FBXO30: variants seen among roughly 807,000 people sequenced by gnomAD.
The protein encoded by FBXO30 is F-box only protein 30.
In FBXO30, 21 loss-of-function variants were observed where a neutral mutation model predicts 58.1. The ratio of observed to expected loss-of-function variants is 0.36; its 90% CI spans 0.26 to 0.52. FBXO30 has a LOEUF of 0.52. FBXO30 is among the 20% of genes least tolerant of loss of function. The pLI, the probability that FBXO30 is intolerant of heterozygous loss-of-function variation, is 0.93. For missense variants in FBXO30, 744 were observed against 897.3 expected (o/e 0.83, Z 2.18); for synonymous variants, 309 against 312.4 (o/e 0.99, Z 0.11).
Position 145,805,905 on chromosome 6 carries a change from ATG to A in FBXO30, c.499_500del (p.His167CysfsTer2). The stretch of plus-strand genomic sequence containing the variant: ...CATCAACAGACACTAAACCATTAGC[ATG>A]TGGTATTTCTGGGACACTTGATTTA... ...SVKSSVPEIP[H>X]ANGLVSVDEE... On this transcript the variant is annotated frameshift_variant, in exon 2 of 3. Transcript: ENST00000237281. LOFTEE classifies it high-confidence loss of function. 6.2e-7 allele frequency: 1 copy of A among 1,614,040 alleles called. No individual in the cohort carries two copies. Among genetic ancestry groups the A allele is most frequent in the Non-Finnish European group, 8.5e-7 (1 of 1,179,986 alleles).
intron 1 of FBXO30, among the ~76,000 whole-genome samples, chr6:145,811,027 G>T (rs1352329102): frequency 6.6e-6 from 1 of 151,994 alleles, no homozygotes; most frequent in Non-Finnish European, 1.5e-5. Flanking sequence ...TTTTTCCTTG[G>T]TAATACTAGT....
rs1233900652 is a variant in FBXO30 at position 145,806,149 on chromosome 6, C to G, written c.257G>C (p.Ser86Thr). 5 of 1,614,110 alleles carry G rather than the reference C, an allele frequency of 3.1e-6. No individual in the cohort carries two copies. The South Asian group carries it at 3.3e-5, about 11-fold the overall frequency. ...VAEHLEMCPA[S>T]VVCCTMEWNR... ...CCATTCCATAGTACAGCACACCACACTTGCAGGACACATTTCTAGATGTTC... is the reference window on the plus strand; with the variant it reads ...CCATTCCATAGTACAGCACACCACAGTTGCAGGACACATTTCTAGATGTTC... The change falls in exon 2 of 3, where the codon AGT becomes ACT. Residue 86 changes from serine to threonine, a missense_variant. Physicochemically the swap from Ser to Thr is moderately conservative, Grantham distance 58. Around this residue, in one of 3 missense-constraint regions of FBXO30, gnomAD observed 135 missense variants for 201.6 expected, o/e 0.67. Coordinates refer to ENST00000237281, the MANE Select transcript of FBXO30 (RefSeq NM_032145.5).
Position 145,806,172 on chromosome 6 carries a change from T to C in FBXO30, c.234A>G (p.Glu78=). Residue 78 remains glutamate (E), a synonymous_variant, in exon 2 of 3, where the codon GAA becomes GAG. Transcript: ENST00000237281. ...PFTMARNKVA[E]HLEMCPASVV... ...CACTTGCAGGACACATTTCTAGATG[T>C]TCAGCAACTTTATTTCGGGCCATGG... 6.2e-7 allele frequency: 1 copy of C among 1,614,126 alleles called. No homozygotes were observed. The highest frequency in any genetic ancestry group is 8.5e-7 in the Non-Finnish European group (1 of 1,179,992).
intron 1 of FBXO30, among the ~76,000 whole-genome samples, chr6:145,811,370 A>G (rs1260228242): frequency 1.3e-5 from 2 of 152,220 alleles, no homozygotes; most frequent in Admixed American, 6.5e-5. Context: ...TGTTAAGCAC[A>G]TAAGTAATAT....
chr6:145,801,797 A>C (rs1778007334), intron 2 of FBXO30, among the ~76,000 whole-genome samples: 1 of 152,086 alleles, frequency 6.6e-6, no homozygotes, highest in Non-Finnish European at 1.5e-5. Context: ...CCCCATGCTC[A>C]CAAAGCTACA....
At chr6:145,801,753 G>T (rs1454011193) in intron 2 of FBXO30, among the ~76,000 whole-genome samples, 1 of 152,036 alleles carries the variant, frequency 6.6e-6, no homozygotes, top group Non-Finnish European at 1.5e-5. Flanking sequence ...AAGGCCTAGT[G>T]ATAGTATAGA....
Position 145,804,587 on chromosome 6 carries a change from C to A in FBXO30, c.1819G>T (p.Gly607Ter). Reference protein sequence around the residue: ...LVEPARNCVLGLHNDHLSSLP... With the variant: ...LVEPARNCVL ...CTACTTAGATGGTCATTATGTAATCCCAACACACAGTTTCTAGCAGGCTCC... is the reference window on the plus strand; with the variant it reads ...CTACTTAGATGGTCATTATGTAATCACAACACACAGTTTCTAGCAGGCTCC... Residue 607 changes from glycine (G) to a stop codon, truncating the protein, a stop_gained, in exon 2 of 3, where the codon GGA (glycine) becomes TGA (stop). Transcript: ENST00000237281. LOFTEE classifies it high-confidence loss of function. The A allele has an allele frequency of 6.2e-7, 1 of 1,613,562 alleles. No individual in the cohort carries two copies. Among genetic ancestry groups the A allele is most frequent in the Non-Finnish European group, 8.5e-7 (1 of 1,179,804 alleles).
rs1778159387 is a variant in FBXO30, at chr6:145,806,096, G to A, written c.310C>T (p.Arg104Trp). 3 of 1,613,934 alleles carry A rather than the reference G, an allele frequency of 1.9e-6. No individual in the cohort carries two copies. The highest frequency in any genetic ancestry group is 2.5e-6 in the Non-Finnish European group (3 of 1,179,972). The change falls in exon 2 of 3, where the codon CGG becomes TGG. Residue 104 changes from arginine to tryptophan, a missense_variant. Physicochemically the swap from Arg to Trp is moderately radical, Grantham distance 101 (BLOSUM62 -3). Coordinates refer to ENST00000237281, the MANE Select transcript of FBXO30 (RefSeq NM_032145.5). ...WNRWPVSYAD[R>W]KSYENLSRDV... Reference sequence around the variant, plus strand: ...CTGCTTAGATTTTCATATGATTTCCGGTCTGCATAACTAACTGGCCATCGA... The same window carrying A: ...CTGCTTAGATTTTCATATGATTTCCAGTCTGCATAACTAACTGGCCATCGA...
Position 145,805,339 on chromosome 6 carries a change from A to G in FBXO30, c.1067T>C (p.Met356Thr). ...LPNGTVQHIL[M>T]PDDEGEGELC... ...TTCACCTTCACCTTCATCATCTGGC[A>G]TGAGGATATGCTGAACTGTGCCATT... The change falls in exon 2 of 3, where the codon ATG (methionine) becomes ACG (threonine). Residue 356 changes from methionine (M) to threonine (T), a missense_variant. Met to Thr is a moderately conservative substitution (Grantham distance 81). This residue lies in a region of FBXO30 where 275 missense variants were observed against 262.0 expected (regional missense o/e 1.05). Coordinates refer to ENST00000237281, the MANE Select transcript of FBXO30 (RefSeq NM_032145.5). 6.2e-7 allele frequency: 1 copy of G among 1,614,098 alleles called. No individual in the cohort carries two copies. The highest frequency in any genetic ancestry group is 8.5e-7 in the Non-Finnish European group (1 of 1,179,982).
intron 1 of FBXO30, among the ~76,000 whole-genome samples, chr6:145,809,047 T>C (rs1778262749): frequency 6.6e-6 from 1 of 152,218 alleles, no homozygotes; most frequent in Non-Finnish European, 1.5e-5. Context: ...ACAAGGTATA[T>C]ATTCAACGCC....
intron 2 of FBXO30, among the ~76,000 whole-genome samples, chr6:145,803,633 C>G (rs1021835430): frequency 6.6e-6 from 1 of 152,092 alleles, no homozygotes; most frequent in Non-Finnish European, 1.5e-5. Flanking sequence ...CAAATAGAAG[C>G]TGAGCAAAAG....
chr6:145,804,196 A>C lies in FBXO30; in HGVS notation c.2034+176T>G, dbSNP rs571142097. On this transcript the variant is annotated intron_variant, in intron 2 of 2. Transcript: ENST00000237281. The stretch of plus-strand genomic sequence containing the variant: ...TAGTAAACCTACAATTATGGCAAAC[A>C]ATTCTAACTATCCTAGTTCATTATT... Among the ~76,000 whole-genome samples, 210 of 152,306 alleles carry C rather than the reference A, an allele frequency of 1.4e-3. 1 individual carries two copies. The highest frequency in any genetic ancestry group is 2.0e-3 in the Non-Finnish European group (139 of 68,012).
Position 145,795,320 on chromosome 6 carries a change from G to C in FBXO30, c.*4786C>G, listed in dbSNP as rs889842758. The C allele has an allele frequency of 6.6e-6, 1 of 151,814 alleles. No homozygotes were observed. The highest frequency in any genetic ancestry group is 6.6e-5 in the Admixed American group (1 of 15,244). 9.4% of individuals were successfully genotyped at this position (151,814 alleles called of 1,614,324 possible). On this transcript the variant is annotated 3_prime_UTR_variant, in exon 3 of 3. Coordinates refer to ENST00000237281, the MANE Select transcript of FBXO30 (RefSeq NM_032145.5). Reference sequence around the variant, plus strand: ...TTGACCTGATTAATTGGTCTTAAGAGTTCAACACAAATGCAGTTTTGTTAC... The same window carrying C: ...TTGACCTGATTAATTGGTCTTAAGACTTCAACACAAATGCAGTTTTGTTAC...
chr6:145,806,361 A>G lies in FBXO30; in HGVS notation c.45T>C (p.Ser15=). The G allele has an allele frequency of 1.2e-6, 2 of 1,613,920 alleles. No homozygotes were observed. The highest frequency in any genetic ancestry group is 8.5e-7 in the Non-Finnish European group (1 of 1,179,942). The change falls in exon 2 of 3, where the codon AGT becomes AGC. Residue 15 remains serine (S), a synonymous_variant. Coordinates refer to ENST00000237281, the MANE Select transcript of FBXO30 (RefSeq NM_032145.5). ...LQHSHCVNCV[S]RRCMTRPEPG... is the part of the protein sequence containing the mutation. ...GCTCTGGCCTGGTCATGCACCGTCT[A>G]CTGACACAATTCACACAATGGGAAT...
chr6:145,811,799 A>C (rs553170040), intron 1 of FBXO30: 10 of 152,358 alleles, frequency 6.6e-5, no homozygotes, highest in African/African-American at 2.2e-4. Flanking sequence ...AGATTTGTTC[A>C]ATTAATTAAC....
At position 145,805,489 on chromosome 6, in the gene FBXO30, T is replaced by G. The variant is rs775919240; in HGVS notation, c.917A>C (p.Asp306Ala). ...VIDQNQNLHG[D>A]SKQSNLTNGD... The stretch of plus-strand genomic sequence containing the variant: ...ATTTGTTAAGTTACTTTGTTTTGAA[T>G]CACCATGTAAATTCTGATTCTGGTC... Residue 306 changes from aspartate (D) to alanine (A), a missense_variant, in exon 2 of 3, where the codon GAT becomes GCT. By Grantham distance (126) the Asp-to-Ala change is moderately radical. Transcript: ENST00000237281. 1 of 1,606,488 alleles carries G rather than the reference T, an allele frequency of 6.2e-7. No individual in the cohort carries two copies. The highest frequency in any genetic ancestry group is 8.5e-7 in the Non-Finnish European group (1 of 1,175,824).
intron 1 of FBXO30, among the ~76,000 whole-genome samples, chr6:145,813,954 T>C (rs898643243): frequency 5.8e-4 from 88 of 152,142 alleles, no homozygotes; most frequent in Non-Finnish European, 1.2e-3. Context: ...GCAGATTACT[T>C]TGAATTCAGC....
rs1452906105 is a variant in FBXO30 at position 145,795,750 on chromosome 6, C to T, written c.*4356G>A. On this transcript the variant is annotated 3_prime_UTR_variant, in exon 3 of 3. Transcript: ENST00000237281. ...TTTGAAATGTGCTAAGGTAACAAAG[C>T]ACCTCAAGATGTATCGCCATTAATA... 6.6e-6 allele frequency: 1 copy of T among 151,798 alleles called. No individual in the cohort carries two copies. The highest frequency in any genetic ancestry group is 2.4e-5 in the African/African-American group (1 of 41,382). 9.4% of individuals were successfully genotyped at this position (151,798 alleles called of 1,614,324 possible).
rs1223485493 is a variant in FBXO30, at chr6:145,800,094, A to G, written c.*12T>C. 1.2e-6 allele frequency: 2 copies of G among 1,601,476 alleles called. No individual in the cohort carries two copies. The highest frequency in any genetic ancestry group is 1.7e-6 in the Non-Finnish European group (2 of 1,169,326). On this transcript the variant is annotated 3_prime_UTR_variant, in exon 3 of 3. Transcript: ENST00000237281. ...AGGTGCTTGCATATATGTGCTAGTAATATTACAACTTTTAAAGTACAGGTT... is the reference window on the plus strand; with the variant it reads ...AGGTGCTTGCATATATGTGCTAGTAGTATTACAACTTTTAAAGTACAGGTT...
Sources: allele counts gnomAD v4.1 joint callset (sites outside exome capture counted in the v4.1 genomes callset), GRCh38; gene constraint gnomAD v4.1.1; regional missense constraint gnomAD v4.1.1; transcripts MANE v1.5; gene names NCBI Gene and HGNC (gene_info 2026-07-23, HGNC 2026-07-21).